TMPRSS15: variants seen among roughly 807,000 people sequenced by gnomAD.
TMPRSS15 encodes the protein enteropeptidase.
In TMPRSS15, 128 loss-of-function variants were observed where a neutral mutation model predicts 125.3. The ratio of observed to expected loss-of-function variants is 1.02; its 90% CI spans 0.89 to 1.18. The LOEUF (loss-of-function observed/expected upper bound fraction) is 1.18. TMPRSS15 is among the 50% of genes most tolerant of loss of function. The pLI is 0.00. For missense variants in TMPRSS15, 1,283 were observed against 1,212.7 expected (o/e 1.06, Z -0.86); for synonymous variants, 446 against 423.2 (o/e 1.05, Z -0.66).
intron 12 of TMPRSS15, 90 bp from the exon 13 acceptor site, chr21:18,341,638 T>C (rs1421239615): frequency 6.6e-6 from 9 of 1,360,226 alleles, no homozygotes; most frequent in Non-Finnish European, 9.4e-6. Context: ...GATTCAATAT[T>C]GTCTAGAGAT....
At chr21:18,370,260 G>A (rs1342282499) in intron 6 of TMPRSS15, among the ~76,000 whole-genome samples, 1 of 151,898 alleles carries the variant, frequency 6.6e-6, no homozygotes, top group Non-Finnish European at 1.5e-5. Context: ...ATATTCCTAT[G>A]GTTCATTTTT....
At chr21:18,350,331 A>AT (rs2075553435) in intron 10 of TMPRSS15, among the ~76,000 whole-genome samples, 2 of 152,116 alleles carry the variant, frequency 1.3e-5, no homozygotes, top group Admixed American at 6.6e-5. Context: ...CATAAAGAAC[A>AT]TTTTTTATGT....
At position 18,313,033 on chromosome 21, in the gene TMPRSS15, A is replaced by G; in HGVS notation, c.2077T>C (p.Phe693Leu). ...GTATGCCATATGCTCTGGATTCTGA[A>G]CCGCACTAAACCATTGTTGTTCGTT... ...GTTNNNGLVR[F>L]RIQSIWHTAC... Residue 693 changes from phenylalanine to leucine, a missense_variant, in exon 18 of 25, where the codon TTC becomes CTC. Phe to Leu is a conservative substitution (Grantham distance 22). Coordinates refer to ENST00000284885, the MANE Select transcript of TMPRSS15 (RefSeq NM_002772.3). The G allele has an allele frequency of 6.2e-7, 1 of 1,614,034 alleles. No individual in the cohort carries two copies. Among genetic ancestry groups the G allele is most frequent in the Non-Finnish European group, 8.5e-7 (1 of 1,179,970 alleles).
chr21:18,421,091 G>T (rs964064221), intron 1 of TMPRSS15, among the ~76,000 whole-genome samples: 1 of 152,032 alleles, frequency 6.6e-6, no homozygotes, highest in African/African-American at 2.4e-5. Flanking sequence ...TATATGACAC[G>T]GAGGACTATA....
intron 1 of TMPRSS15, among the ~76,000 whole-genome samples, chr21:18,427,244 G>T (rs189088564): frequency 6.6e-6 from 1 of 152,076 alleles, no homozygotes; most frequent in Non-Finnish European, 1.5e-5. Flanking sequence ...AAATCTACCC[G>T]CTCCTTGCTC....
At chr21:18,399,467 A>T (rs1163163292) in intron 1 of TMPRSS15, among the ~76,000 whole-genome samples, 1 of 152,160 alleles carries the variant, frequency 6.6e-6, no homozygotes, top group African/African-American at 2.4e-5. Context: ...TCAAAATTAC[A>T]TTGAAGTTTG....
intron 7 of TMPRSS15, among the ~76,000 whole-genome samples, chr21:18,362,808 TACAG>T (rs2075690146): frequency 6.6e-6 from 1 of 152,178 alleles, no homozygotes; most frequent in South Asian, 2.1e-4. Context: ...TGTGGAATTC[TACAG>T]ACACAGAAAT....
At position 18,343,531 on chromosome 21, in the gene TMPRSS15, G is replaced by T. The variant is rs750810304; in HGVS notation, c.1403C>A (p.Thr468Asn). ...YGDNWNYGQV[T>N]LNETVKFKVA... ...CTTAAATTTAACTGTTTCATTTAGG[G>T]TTACTTGTCCATAATTCCAATTGTC... The change falls in exon 12 of 25, where the codon ACC becomes AAC. Residue 468 changes from threonine (T) to asparagine (N), a missense_variant. Physicochemically the swap from Thr to Asn is moderately conservative, Grantham distance 65. Coordinates refer to ENST00000284885, the MANE Select transcript of TMPRSS15 (RefSeq NM_002772.3). The T allele has an allele frequency of 9.3e-6, 15 of 1,611,888 alleles. No individual in the cohort carries two copies. In the South Asian group the frequency reaches 1.2e-4, roughly 13 times the overall value.
At chr21:18,271,088 T>C (rs2074549647) in intron 24 of TMPRSS15, among the ~76,000 whole-genome samples, 1 of 152,282 alleles carries the variant, frequency 6.6e-6, no homozygotes, top group Non-Finnish European at 1.5e-5. Flanking sequence ...TGCACCCTTT[T>C]TTCCCCTCCA....
chr21:18,397,966 T>C lies in TMPRSS15; in HGVS notation c.277-20A>G, dbSNP rs1569056370. On this transcript the variant is annotated intron_variant, in intron 2 of 24. Transcript: ENST00000284885. ...ATCTATCTAGAAAAATATAAAAGATTGAATGAGTATACTAAATTTAGGATT... is the reference window on the plus strand; with the variant it reads ...ATCTATCTAGAAAAATATAAAAGATCGAATGAGTATACTAAATTTAGGATT... The C allele has an allele frequency of 7.3e-7, 1 of 1,371,506 alleles. No individual in the cohort carries two copies. The allele number at this position is 1,371,506 out of a possible 1,614,324, so 85.0% of individuals were successfully genotyped here. A position where few individuals can be genotyped will look rare whatever the true frequency, so the allele number is the denominator to read the frequency against.
chr21:18,391,748 A>G (rs2075992728), intron 3 of TMPRSS15, among the ~76,000 whole-genome samples: 1 of 152,256 alleles, frequency 6.6e-6, no homozygotes, highest in African/African-American at 2.4e-5. Flanking sequence ...CTAGCCACAC[A>G]TTTTCCTTCT....
chr21:18,293,680 C>A (rs971298030), intron 21 of TMPRSS15, among the ~76,000 whole-genome samples: 43 of 152,292 alleles, frequency 2.8e-4, no homozygotes, highest in African/African-American at 8.2e-4. Context: ...CAAAATTCAA[C>A]ATTATCTTGT....
At chr21:18,409,347 T>G (rs2076159798) in intron 1 of TMPRSS15, among the ~76,000 whole-genome samples, 1 of 152,162 alleles carries the variant, frequency 6.6e-6, no homozygotes, top group Admixed American at 6.5e-5. Context: ...GATGTACCTT[T>G]TTCAGTTTCC....
intron 10 of TMPRSS15, among the ~76,000 whole-genome samples, chr21:18,352,054 T>C (rs574686226): frequency 2.3e-5 from 3 of 132,742 alleles, no homozygotes; most frequent in Non-Finnish European, 4.9e-5. Context: ...GAAAATTATA[T>C]AAATTCACAA....
intron 18 of TMPRSS15, among the ~76,000 whole-genome samples, chr21:18,303,082 T>A (rs960804777): frequency 1.3e-5 from 2 of 152,208 alleles, no homozygotes; most frequent in Non-Finnish European, 2.9e-5. Context: ...GCATTTATCT[T>A]ATTTCGTCAG....
intron 1 of TMPRSS15, among the ~76,000 whole-genome samples, chr21:18,440,057 C>T (rs560893720): frequency 8.5e-5 from 13 of 152,216 alleles, no homozygotes; most frequent in African/African-American, 3.1e-4. Flanking sequence ...CACATTTTAC[C>T]TATGTGGAAC....
chr21:18,289,255 G>A (rs2074803931), intron 21 of TMPRSS15, among the ~76,000 whole-genome samples: 1 of 152,168 alleles, frequency 6.6e-6, no homozygotes, highest in African/African-American at 2.4e-5. Flanking sequence ...ACTCACACCT[G>A]TAATCCCAGC....
intron 21 of TMPRSS15, among the ~76,000 whole-genome samples, chr21:18,292,913 GGTGCA>G (rs2074855806): frequency 6.6e-6 from 1 of 152,104 alleles, no homozygotes; most frequent in African/African-American, 2.4e-5. Context: ...AAGTCAAGAG[GGTGCA>G]CTTTAGTTAA....
intron 1 of TMPRSS15, among the ~76,000 whole-genome samples, chr21:18,476,892 C>T (rs1978888448): frequency 6.7e-6 from 1 of 149,718 alleles, no homozygotes; most frequent in African/African-American, 2.5e-5. Context: ...GGTACTTCTG[C>T]AATTCTCTCT....
Sources: allele counts gnomAD v4.1 joint callset (sites outside exome capture counted in the v4.1 genomes callset), GRCh38; gene constraint gnomAD v4.1.1; transcripts MANE v1.5; gene names NCBI Gene and HGNC (gene_info 2026-07-23, HGNC 2026-07-21).